The following RASAL2 variants were observed in gnomAD, a reference collection of about 807,000 sequenced individuals.
The protein encoded by RASAL2 is RAS protein activator like 2.
In RASAL2, 58 loss-of-function variants were observed where a neutral mutation model predicts 128.9. The observed-to-expected ratio is 0.45, with a 90% confidence interval of 0.36 to 0.56. The LOEUF is 0.56. Among genes scored for constraint, RASAL2 ranks in the 20% least tolerant of loss-of-function variants. The pLI is 0.00. For synonymous variants in RASAL2, 561 were observed against 580.8 expected (o/e 0.97, Z 0.49); for missense variants, 1,360 against 1,601.6 (o/e 0.85, Z 2.57).
chr1:178,392,155 C>T (rs1159337983), intron 4 of RASAL2, among the ~76,000 whole-genome samples: 1 of 152,056 alleles, frequency 6.6e-6, no homozygotes, highest in Non-Finnish European at 1.5e-5. Context: ...TATATATAGC[C>T]TAGTAGCAAG....
intron 4 of RASAL2, among the ~76,000 whole-genome samples, chr1:178,402,014 G>C (rs183685824): frequency 2.2e-4 from 33 of 152,316 alleles, no homozygotes; most frequent in Admixed American, 7.2e-4. Flanking sequence ...CATCTCACTT[G>C]TATGATCAAG....
intron 1 of RASAL2, among the ~76,000 whole-genome samples, chr1:178,268,061 G>T (rs1008226866): frequency 6.6e-5 from 10 of 151,556 alleles, no homozygotes; most frequent in Non-Finnish European, 1.0e-4. Context: ...GCCAGGCATA[G>T]TGGTTCACAC....
chr1:178,281,305 T>C (rs1348469493), intron 1 of RASAL2, among the ~76,000 whole-genome samples: 1 of 151,974 alleles, frequency 6.6e-6, no homozygotes, highest in Non-Finnish European at 1.5e-5. Context: ...TCTTTAGCAC[T>C]AGAGGGGGAT....
chr1:178,402,440 T>G (rs1439786978), intron 4 of RASAL2, among the ~76,000 whole-genome samples: 1 of 151,664 alleles, frequency 6.6e-6, no homozygotes, highest in Non-Finnish European at 1.5e-5. Flanking sequence ...TTATATATAG[T>G]AAGGACCAAT....
intron 3 of RASAL2, among the ~76,000 whole-genome samples, chr1:178,334,421 C>T (rs988352629): frequency 1.3e-5 from 2 of 151,960 alleles, no homozygotes; most frequent in Admixed American, 6.6e-5. Context: ...TCACTGCAAC[C>T]TCCACCTCCT....
At chr1:178,464,187 C>A in intron 14 of RASAL2, 91 bp from the exon 15 acceptor site, 1 of 1,397,486 alleles carries the variant, frequency 7.2e-7, no homozygotes, top group Non-Finnish European at 9.5e-7. Flanking sequence ...ACTGAGAGAT[C>A]ACAGTTAATG....
Position 178,407,835 on chromosome 1 carries a change from T to A in RASAL2, c.565-12676T>A, listed in dbSNP as rs1327866877. 2.0e-5 allele frequency among the ~76,000 whole-genome samples: 3 copies of A among 152,206 alleles called. No homozygotes were observed. The East Asian group carries it at 5.8e-4, about 29-fold the overall frequency. Reference sequence around the variant, plus strand: ...ATGCTGGCAAGGCATTGTCCCTTATTACCCCCACGGAGGCTTCTGAGAGCA... The same window carrying A: ...ATGCTGGCAAGGCATTGTCCCTTATAACCCCCACGGAGGCTTCTGAGAGCA... On this transcript the variant is annotated intron_variant, in intron 4 of 17. Transcript: ENST00000367649.
At chr1:178,112,995 T>C (rs776261837) in intron 1 of RASAL2, among the ~76,000 whole-genome samples, 5 of 152,268 alleles carry the variant, frequency 3.3e-5, no homozygotes, top group Non-Finnish European at 7.3e-5. Context: ...TTGAAAGTTT[T>C]ATAGTTTTTG....
At chr1:178,203,225 C>T (rs1662933723) in intron 1 of RASAL2, among the ~76,000 whole-genome samples, 1 of 152,198 alleles carries the variant, frequency 6.6e-6, no homozygotes, top group African/African-American at 2.4e-5. Flanking sequence ...ACAGCATTGC[C>T]TCTGACCAAG....
intron 1 of RASAL2, among the ~76,000 whole-genome samples, chr1:178,237,817 C>A (rs1664321556): frequency 6.6e-6 from 1 of 152,148 alleles, no homozygotes; most frequent in African/African-American, 2.4e-5. Flanking sequence ...TCACCATCAT[C>A]CATCTCCAGA....
chr1:178,281,672 C>A (rs747073004), intron 1 of RASAL2, among the ~76,000 whole-genome samples: 1 of 152,082 alleles, frequency 6.6e-6, no homozygotes, highest in African/African-American at 2.4e-5. Context: ...ATTTGAATGA[C>A]CATAAATTGT....
At chr1:178,369,834 A>C (rs897757016) in intron 3 of RASAL2, among the ~76,000 whole-genome samples, 15 of 152,174 alleles carry the variant, frequency 9.9e-5, no homozygotes, top group African/African-American at 3.6e-4. Context: ...AGTAGAACAG[A>C]AATTTTGTTT....
intron 1 of RASAL2, among the ~76,000 whole-genome samples, chr1:178,120,185 T>TCATCAAATATTGTA (rs934029065): frequency 3.3e-5 from 5 of 152,218 alleles, no homozygotes; most frequent in African/African-American, 1.2e-4. Flanking sequence ...TGATAGCTAG[T>TCATCAAATATTGTA]CATCAAATAT....
chr1:178,326,260 A>C (rs1212654332), intron 3 of RASAL2, among the ~76,000 whole-genome samples: 2 of 152,202 alleles, frequency 1.3e-5, no homozygotes, highest in Non-Finnish European at 2.9e-5. Context: ...ATCATATATC[A>C]AAGGTATATG....
intron 3 of RASAL2, among the ~76,000 whole-genome samples, chr1:178,325,942 C>A (rs1669019556): frequency 6.6e-6 from 1 of 151,966 alleles, no homozygotes; most frequent in Admixed American, 6.6e-5. Context: ...AATAAAAAAA[C>A]TAGCCAGGCA....
chr1:178,355,456 T>C (rs1571915443), intron 3 of RASAL2, among the ~76,000 whole-genome samples: 1 of 152,202 alleles, frequency 6.6e-6, no homozygotes, highest in South Asian at 2.1e-4. Context: ...GTGGATTATT[T>C]CTTAACAATT....
At chr1:178,318,762 G>A (rs1668613647) in intron 3 of RASAL2, among the ~76,000 whole-genome samples, 1 of 152,090 alleles carries the variant, frequency 6.6e-6, no homozygotes, top group Non-Finnish European at 1.5e-5. Flanking sequence ...GCCAGTCTGT[G>A]TCTTTTAATT....
At chr1:178,220,945 C>T (rs183667669) in intron 1 of RASAL2, among the ~76,000 whole-genome samples, 40 of 152,244 alleles carry the variant, frequency 2.6e-4, no homozygotes, top group Non-Finnish European at 1.9e-4. Context: ...CCAAAGAGTA[C>T]GATTGCTGAA....
At chr1:178,217,964 C>G (rs2101997497) in intron 1 of RASAL2, among the ~76,000 whole-genome samples, 1 of 152,310 alleles carries the variant, frequency 6.6e-6, no homozygotes, top group East Asian at 1.9e-4. Flanking sequence ...GCTATATCAA[C>G]TAAGTTTATG....
Sources: gnomAD v4.1 joint callset for allele counts (sites outside exome capture counted in the v4.1 genomes callset) on GRCh38, gnomAD v4.1.1 for gene constraint, MANE v1.5 for transcripts, NCBI Gene and HGNC (gene_info 2026-07-23, HGNC 2026-07-21) for gene names.